The following ANKRD17 variants were observed in gnomAD, a reference collection of about 807,000 sequenced individuals.
ANKRD17 encodes ankyrin repeat domain-containing protein 17.
ANKRD17 carries 19 observed loss-of-function variants against 229.7 expected under a neutral mutation model. The ratio of observed to expected loss-of-function variants is 0.08; its 90% CI spans 0.06 to 0.12. ANKRD17 has a LOEUF of 0.12. Among genes scored for constraint, ANKRD17 ranks in the 10% least tolerant of loss-of-function variants. The pLI is 1.00. For missense variants in ANKRD17, 2,176 were observed against 3,176.8 expected, an observed-to-expected ratio of 0.68 and a Z score of 7.57; for synonymous variants, 1,112 against 1,146.1, an observed-to-expected ratio of 0.97 and a Z score of 0.60.
intron 1 of ANKRD17, among the ~76,000 whole-genome samples, chr4:73,184,615 A>G (rs1020149039): frequency 5.3e-5 from 8 of 151,990 alleles, no homozygotes; most frequent in African/African-American, 1.7e-4. Context: ...AACTTAACAA[A>G]TAACTACAAA....
At chr4:73,114,137 T>C (rs1725649565) in intron 23 of ANKRD17, among the ~76,000 whole-genome samples, 1 of 152,204 alleles carries the variant, frequency 6.6e-6, no homozygotes, top group East Asian at 1.9e-4. Flanking sequence ...ATAATATCCA[T>C]TTAGCAGGCA....
At position 73,102,477 on chromosome 4, in the gene ANKRD17, T is replaced by C. The variant is rs775641408; in HGVS notation, c.4472A>G (p.Lys1491Arg). Reference protein sequence around the residue: ...REKRKEKRRKKKEEQRRKLEE... With the variant: ...REKRKEKRRKRKEEQRRKLEE... ...TAGTTTCCTTCTTTGTTCTTCCTTTTTCTTCCTTCTCTTCTCTTTTCTTTT... is the reference window on the plus strand; with the variant it reads ...TAGTTTCCTTCTTTGTTCTTCCTTTCTCTTCCTTCTCTTCTCTTTTCTTTT... The change falls in exon 25 of 34, where the codon AAA becomes AGA. Residue 1491 changes from lysine (K) to arginine (R), a missense_variant. Around this residue, in one of 18 missense-constraint regions of ANKRD17, gnomAD observed 14 missense variants for 36.1 expected, o/e 0.39. Transcript: ENST00000358602. 2.5e-6 allele frequency: 4 copies of C among 1,608,138 alleles called. No individual in the cohort carries two copies.
chr4:73,169,664 C>T (rs1733709665), intron 2 of ANKRD17, among the ~76,000 whole-genome samples: 1 of 152,128 alleles, frequency 6.6e-6, no homozygotes, highest in Non-Finnish European at 1.5e-5. Context: ...CTGAAATAGG[C>T]ATTAAAGAGG....
rs560425087 is a variant in ANKRD17, at chr4:73,241,683, G to T, written c.393+16593C>A. ...TGCACATAAACTGAATCTGTAAAAT[G>T]AGTATCTTTACAAAACTGATGTAAG... On this transcript the variant is annotated intron_variant, in intron 1 of 33. Coordinates refer to ENST00000358602, the MANE Select transcript of ANKRD17 (RefSeq NM_032217.5). 6.6e-5 allele frequency among the ~76,000 whole-genome samples: 10 copies of T among 152,218 alleles called. 1 individual carries two copies. In the East Asian group the frequency reaches 1.9e-3, roughly 29 times the overall value.
chr4:73,207,451 ATT>A (rs1020443601), intron 1 of ANKRD17, among the ~76,000 whole-genome samples: 8 of 152,218 alleles, frequency 5.3e-5, no homozygotes, highest in African/African-American at 1.9e-4. Flanking sequence ...GTGAAAATGG[ATT>A]AAATATACTA....
chr4:73,166,738 T>A (rs191099280), intron 2 of ANKRD17, among the ~76,000 whole-genome samples: 395 of 148,816 alleles, frequency 2.7e-3, no homozygotes, highest in Non-Finnish European at 3.9e-3. Flanking sequence ...GAGAAATGAC[T>A]ATTTCTTCAA....
At chr4:73,230,825 C>A (rs536264134) in intron 1 of ANKRD17, among the ~76,000 whole-genome samples, 4 of 152,272 alleles carry the variant, frequency 2.6e-5, no homozygotes, top group Non-Finnish European at 5.9e-5. Context: ...GTCTGTTGGA[C>A]ACTCGCATTT....
At chr4:73,252,175 C>T (rs1434897365) in intron 1 of ANKRD17, among the ~76,000 whole-genome samples, 1 of 152,188 alleles carries the variant, frequency 6.6e-6, no homozygotes, top group East Asian at 1.9e-4. Context: ...ACATAAGACA[C>T]ATGGTACTGT....
chr4:73,135,139 G>A lies in ANKRD17; in HGVS notation c.3212C>T (p.Pro1071Leu), dbSNP rs1728726602. 2 of 1,613,698 alleles carry A rather than the reference G, an allele frequency of 1.2e-6. No homozygotes were observed. Among genetic ancestry groups the A allele is most frequent in the Non-Finnish European group, 1.7e-6 (2 of 1,179,746 alleles). Residue 1071 changes from proline (P) to leucine (L), a missense_variant, in exon 16 of 34, where the codon CCT becomes CTT. Around this residue, in one of 18 missense-constraint regions of ANKRD17, gnomAD observed 230 missense variants for 252.3 expected, o/e 0.91. Transcript: ENST00000358602. ...ISPSAMLPIY[P>L]AIDIDAQTES... ...TACCTGTGCATCAATATCAATGGCAGGGTAGATAGGAAGCATGGCTGAAGG... is the reference window on the plus strand; with the variant it reads ...TACCTGTGCATCAATATCAATGGCAAGGTAGATAGGAAGCATGGCTGAAGG...
chr4:73,217,073 C>T (rs573588427), intron 1 of ANKRD17, among the ~76,000 whole-genome samples: 1 of 152,278 alleles, frequency 6.6e-6, no homozygotes, highest in Admixed American at 6.5e-5. Flanking sequence ...CAGTAAAGGG[C>T]CAATGTTGTT....
At chr4:73,160,009 T>G (rs187369270) in intron 3 of ANKRD17, among the ~76,000 whole-genome samples, 3 of 152,266 alleles carry the variant, frequency 2.0e-5, no homozygotes, top group Admixed American at 6.5e-5. Context: ...AAAGAATTCT[T>G]AAATGCTATA....
rs1720943038 is a variant in ANKRD17, at chr4:73,075,564, G to A, written c.*667C>T. 1 of 152,574 alleles carries A rather than the reference G, an allele frequency of 6.6e-6. No individual in the cohort carries two copies. The highest frequency in any genetic ancestry group is 1.5e-5 in the Non-Finnish European group (1 of 68,000). 9.5% of individuals were successfully genotyped at this position (152,574 alleles called of 1,614,324 possible). A position where few individuals can be genotyped will look rare whatever the true frequency, so the allele number is the denominator to read the frequency against. The stretch of plus-strand genomic sequence containing the variant: ...AAGCCAGAAATTTCTTCTTCTATAT[G>A]TGCCTTGCTACAAATAAACCAAAAA... On this transcript the variant is annotated 3_prime_UTR_variant, in exon 34 of 34. Transcript: ENST00000358602.
rs1729692076 is a variant in ANKRD17 at position 73,142,133 on chromosome 4, GA to G, written c.2229+108del. ...TGTATCAAGTACATATTTACAAACA[GA>G]ACTACATATTAGAACAAAAAAAAAC... On this transcript the variant is annotated intron_variant, in intron 13 of 33. Transcript: ENST00000358602. 2.6e-6 allele frequency: 3 copies of G among 1,133,950 alleles called. No individual in the cohort carries two copies. In the African/African-American group the frequency reaches 4.9e-5, roughly 19 times the overall value. The allele number at this position is 1,133,950 out of a possible 1,614,324, so 70.2% of individuals were successfully genotyped here. A position where few individuals can be genotyped will look rare whatever the true frequency, so the allele number is the denominator to read the frequency against.
Position 73,074,119 on chromosome 4 carries a change from C to T in ANKRD17, c.*2112G>A, listed in dbSNP as rs1222908919. The T allele has an allele frequency of 2.6e-5, 4 of 151,900 alleles. No individual in the cohort carries two copies. The highest frequency in any genetic ancestry group is 5.9e-5 in the Non-Finnish European group (4 of 67,882). 9.4% of individuals were successfully genotyped at this position (151,900 alleles called of 1,614,324 possible). A position where few individuals can be genotyped will look rare whatever the true frequency, so the allele number is the denominator to read the frequency against. On this transcript the variant is annotated 3_prime_UTR_variant, in exon 34 of 34. Transcript: ENST00000358602. ...CAAGCCTGATCCCCAAGACTAAATA[C>T]GGAGCATTTCAATCTATATCCCCTG...
chr4:73,115,485 T>TCCC (rs1455906630), intron 23 of ANKRD17, among the ~76,000 whole-genome samples: 2 of 152,084 alleles, frequency 1.3e-5, no homozygotes, highest in African/African-American at 4.8e-5. Context: ...AGATGGGGTC[T>TCCC]CCCCATGTTG....
chr4:73,076,999 A>G lies in ANKRD17; in HGVS notation c.7693T>C (p.Ser2565Pro), dbSNP rs1721069249. 6.2e-7 allele frequency: 1 copy of G among 1,613,594 alleles called. No individual in the cohort carries two copies. Among genetic ancestry groups the G allele is most frequent in the Non-Finnish European group, 8.5e-7 (1 of 1,179,830 alleles). ...IFNGPHAADPSWNSLIKMVSS... is the reference protein window; with the variant it reads ...IFNGPHAADPPWNSLIKMVSS... ...ACCATCTTTATCAGTGAGTTCCAAG[A>G]AGGGTCTGCAGCATGAGGGCCATTA... Residue 2565 changes from serine (S) to proline (P), a missense_variant, in exon 33 of 34, where the codon TCT becomes CCT. Coordinates refer to ENST00000358602, the MANE Select transcript of ANKRD17 (RefSeq NM_032217.5).
intron 16 of ANKRD17, 42 bp from the exon 17 acceptor site, chr4:73,125,354 A>C: frequency 7.6e-7 from 1 of 1,309,012 alleles, no homozygotes; most frequent in East Asian, 2.3e-5. Flanking sequence ...AAATAACTTA[A>C]GATGTTAATA....
chr4:73,206,500 G>T (rs940094635), intron 1 of ANKRD17, among the ~76,000 whole-genome samples: 14 of 152,016 alleles, frequency 9.2e-5, no homozygotes, highest in Non-Finnish European at 1.9e-4. Context: ...AAGATAGAAA[G>T]AAATCTTGTC....
intron 25 of ANKRD17, chr4:73,101,135 C>G: frequency 1.1e-6 from 1 of 870,440 alleles, no homozygotes; most frequent in Non-Finnish European, 1.4e-6. Flanking sequence ...ACTTGAGTAT[C>G]TGAATTTTGG....
Sources: gnomAD v4.1 joint callset for allele counts (sites outside exome capture counted in the v4.1 genomes callset) on GRCh38, gnomAD v4.1.1 for gene constraint, gnomAD v4.1.1 regional missense constraint, MANE v1.5 for transcripts, NCBI Gene and HGNC (gene_info 2026-07-23, HGNC 2026-07-21) for gene names.